ANKFN1: variants seen among roughly 807,000 people sequenced by gnomAD.
The protein encoded by ANKFN1 is ankyrin repeat and fibronectin type-III domain-containing protein 1.
A neutral mutation model predicts 108.7 loss-of-function variants in ANKFN1; 74 were observed. The observed-to-expected ratio is 0.68, with a 90% confidence interval of 0.56 to 0.83. The LOEUF (loss-of-function observed/expected upper bound fraction) is 0.83, where lower values mean the gene tolerates loss of function less well. ANKFN1 is among the 40% of genes least tolerant of loss of function. ANKFN1 has a pLI of 0.00. For missense variants in ANKFN1, 1,505 were observed against 1,382.3 expected (o/e 1.09, Z -1.41); for synonymous variants, 547 against 516.2 (o/e 1.06, Z -0.81).
At chr17:56,249,648 G>C (rs554973112) in intron 3 of ANKFN1, among the ~76,000 whole-genome samples, 1 of 152,120 alleles carries the variant, frequency 6.6e-6, no homozygotes, top group Non-Finnish European at 1.5e-5. Flanking sequence ...TTACCAAGTT[G>C]CAGCCATTAA....
Position 56,186,985 on chromosome 17 carries a change from G to A in ANKFN1, c.-70-25613G>A, listed in dbSNP as rs996202170. Among the ~76,000 whole-genome samples, 24 of 152,146 alleles carry A rather than the reference G, an allele frequency of 1.6e-4. 2 individuals carry two copies. Among genetic ancestry groups the A allele is most frequent in the Admixed American group, 1.3e-3 (20 of 15,276 alleles). On this transcript the variant is annotated intron_variant, in intron 1 of 20. Transcript: ENST00000682825. ...TAGACCTAAAACCATAAAAACCCTA[G>A]AAGAAAACCTAGGCAGTACCATTCA... is the stretch of plus-strand genomic sequence containing the variant.
intron 2 of ANKFN1, chr17:56,224,914 G>A (rs947286190): frequency 5.9e-5 from 9 of 152,294 alleles, no homozygotes; most frequent in African/African-American, 1.7e-4. Flanking sequence ...ACTGTGATCC[G>A]AGGAGGGTAA....
chr17:56,445,405 A>G (rs1192430876), intron 10 of ANKFN1, among the ~76,000 whole-genome samples: 1 of 152,250 alleles, frequency 6.6e-6, no homozygotes, highest in African/African-American at 2.4e-5. Context: ...TGACCAGAAT[A>G]GTTAGTTGTT....
At chr17:56,115,813 C>T (rs939428089) in intron 4 of ANKFN1, among the ~76,000 whole-genome samples, 2 of 152,122 alleles carry the variant, frequency 1.3e-5, no homozygotes, top group African/African-American at 2.4e-5. Flanking sequence ...TCACAGGACT[C>T]TCAGTTTTCT....
chr17:56,362,982 G>A (rs541831954), intron 6 of ANKFN1, among the ~76,000 whole-genome samples: 32 of 152,080 alleles, frequency 2.1e-4, no homozygotes, highest in Non-Finnish European at 4.0e-4. Context: ...AGGCCAAGGC[G>A]GGAGGATCAT....
chr17:56,301,324 T>G (rs1213449482), intron 3 of ANKFN1, among the ~76,000 whole-genome samples: 1 of 152,220 alleles, frequency 6.6e-6, no homozygotes, highest in Non-Finnish European at 1.5e-5. Context: ...ACCGCCAGAT[T>G]GGGCTGAATC....
chr17:56,354,746 T>A (rs2046331147), intron 6 of ANKFN1, among the ~76,000 whole-genome samples: 1 of 152,184 alleles, frequency 6.6e-6, no homozygotes, highest in Non-Finnish European at 1.5e-5. Flanking sequence ...ATCAACTTTT[T>A]AAAAAAATTC....
At chr17:56,180,221 C>T (rs950622946) in intron 1 of ANKFN1, among the ~76,000 whole-genome samples, 3 of 152,122 alleles carry the variant, frequency 2.0e-5, no homozygotes, top group Admixed American at 6.6e-5. Flanking sequence ...TTCTAGGAGG[C>T]AAGGTCATAT....
At chr17:56,334,522 TA>T in intron 4 of ANKFN1, among the ~76,000 whole-genome samples, 1 of 152,234 alleles carries the variant, frequency 6.6e-6, no homozygotes, top group Admixed American at 6.5e-5. Flanking sequence ...GGATAATAAC[TA>T]ATATTTATTG....
intron 8 of ANKFN1, 24 bp downstream of exon 8, chr17:56,374,738 C>T (rs779088141): frequency 7.8e-6 from 12 of 1,544,984 alleles, no homozygotes; most frequent in Non-Finnish European, 1.1e-5. Context: ...GACATGTTTT[C>T]ATCACTCCTT....
chr17:56,480,712 T>C lies in ANKFN1; in HGVS notation c.1985T>C (p.Met662Thr), dbSNP rs748401485. The C allele has an allele frequency of 6.2e-7, 1 of 1,614,022 alleles. No homozygotes were observed. Residue 662 changes from methionine to threonine, a missense_variant, in exon 17 of 21, where the codon ATG becomes ACG. By Grantham distance (81) the Met-to-Thr change is moderately conservative. Coordinates refer to ENST00000682825, the MANE Select transcript of ANKFN1 (RefSeq NM_001370326.1). Reference sequence around the variant, plus strand: ...CAAAAGCTTTCTGGCTCTGAATCTATGGAAAGTGTGGATCATACTTCTGAC... The same window carrying C: ...CAAAAGCTTTCTGGCTCTGAATCTACGGAAAGTGTGGATCATACTTCTGAC... ...WIQKLSGSES[M>T]ESVDHTSDCP... is the part of the protein sequence containing the mutation.
intron 4 of ANKFN1, among the ~76,000 whole-genome samples, chr17:56,145,005 C>T (rs940582428): frequency 1.3e-5 from 2 of 152,078 alleles, no homozygotes; most frequent in African/African-American, 4.8e-5. Flanking sequence ...ACATTTATTA[C>T]AGATGCTTAA....
intron 8 of ANKFN1, among the ~76,000 whole-genome samples, chr17:56,380,339 A>G (rs1310256608): frequency 6.6e-6 from 1 of 152,216 alleles, no homozygotes; most frequent in Non-Finnish European, 1.5e-5. Flanking sequence ...TCCAGTCTAC[A>G]GCTCCCAGTG....
At chr17:56,231,901 C>T (rs1916763574) in intron 3 of ANKFN1, among the ~76,000 whole-genome samples, 1 of 152,164 alleles carries the variant, frequency 6.6e-6, no homozygotes, top group African/African-American at 2.4e-5. Flanking sequence ...CAACAGCCCA[C>T]CCCTAGCTGT....
At chr17:56,295,640 T>C (rs548195851) in intron 3 of ANKFN1, among the ~76,000 whole-genome samples, 1 of 152,328 alleles carries the variant, frequency 6.6e-6, no homozygotes, top group Admixed American at 6.5e-5. Context: ...GTTCAGTTAC[T>C]GTCTTAGTCA....
In ANKFN1 at chr17:56,476,237, C is replaced by CA. The variant is rs1487742941; in HGVS notation, c.1774-1251_1774-1250insA. On this transcript the variant is annotated intron_variant, in intron 15 of 20. Coordinates refer to ENST00000682825, the MANE Select transcript of ANKFN1 (RefSeq NM_001370326.1). Reference sequence around the variant, plus strand: ...AAGTTACCTGACTCGTCACTCCTAACTTTGTGTCACAACCCCCACTGCCCA... The same window carrying CA: ...AAGTTACCTGACTCGTCACTCCTAACATTTGTGTCACAACCCCCACTGCCCA... Among the ~76,000 whole-genome samples, 32 of 152,320 alleles carry CA rather than the reference C, an allele frequency of 2.1e-4. No homozygotes were observed. In the East Asian group the frequency reaches 5.4e-3, roughly 26 times the overall value.
At chr17:56,272,371 T>A (rs1292649883) in intron 3 of ANKFN1, among the ~76,000 whole-genome samples, 2 of 152,318 alleles carry the variant, frequency 1.3e-5, no homozygotes, top group Non-Finnish European at 1.5e-5. Context: ...ATTTGACTAC[T>A]CTAGGAATCT....
chr17:56,202,816 A>T (rs1483301634), intron 1 of ANKFN1, among the ~76,000 whole-genome samples: 1 of 152,244 alleles, frequency 6.6e-6, no homozygotes, highest in Non-Finnish European at 1.5e-5. Flanking sequence ...TGAAAAAAAT[A>T]TAATGATGCG....
intron 1 of ANKFN1, among the ~76,000 whole-genome samples, chr17:56,157,916 G>C (rs549305796): frequency 2.6e-5 from 4 of 152,302 alleles, no homozygotes; most frequent in Admixed American, 6.5e-5. Flanking sequence ...TGGAAACTGG[G>C]TTACACAGTT....
Sources: allele counts gnomAD v4.1 joint callset (sites outside exome capture counted in the v4.1 genomes callset), GRCh38; gene constraint gnomAD v4.1.1; transcripts MANE v1.5; gene names NCBI Gene and HGNC (gene_info 2026-07-23, HGNC 2026-07-21).